The following MAD1L1 variants were observed in gnomAD, a reference collection of about 807,000 sequenced individuals.
MAD1L1 encodes mitotic spindle assembly checkpoint protein MAD1.
A neutral mutation model predicts 96.9 loss-of-function variants in MAD1L1; 95 were observed. The observed-to-expected ratio is 0.98, with a 90% CI of 0.83 to 1.16. The LOEUF (loss-of-function observed/expected upper bound fraction) is 1.16. Ranked by LOEUF, MAD1L1 falls within the 50% of genes most tolerant of loss-of-function variation. The probability of loss-of-function intolerance (pLI) is 0.00; values close to 1 mark genes in which losing one functional copy is unlikely to be tolerated. For synonymous variants in MAD1L1, 473 were observed against 396.6 expected (o/e 1.19, Z -2.29); for missense variants, 1,007 against 954.4 (o/e 1.06, Z -0.73).
intron 10 of MAD1L1, among the ~76,000 whole-genome samples, chr7:2,152,678 ACT>A (rs2128582157): frequency 6.6e-6 from 1 of 152,120 alleles, no homozygotes; most frequent in African/African-American, 2.4e-5. Flanking sequence ...TCCAGGCTCA[ACT>A]CCCTACCTGC....
In MAD1L1 at chr7:2,103,092, C is replaced by T. The variant is rs759349863; in HGVS notation, c.1074-33754G>A. ...CCACGCTGCCTGCCTGCTGGAGACGCGCGTCCTCTCCCACCTCAGGGCCCC... is the reference window on the plus strand; with the variant it reads ...CCACGCTGCCTGCCTGCTGGAGACGTGCGTCCTCTCCCACCTCAGGGCCCC... On this transcript the variant is annotated intron_variant, in intron 11 of 18. Coordinates refer to ENST00000265854, the MANE Select transcript of MAD1L1 (RefSeq NM_001013836.2). The surrounding 1 kb of genome is among the most constrained non-coding windows in gnomAD (Gnocchi z 4.3). 3.3e-5 allele frequency among the ~76,000 whole-genome samples: 5 copies of T among 152,136 alleles called. No homozygotes were observed. Among genetic ancestry groups the T allele is most frequent in the African/African-American group, 1.2e-4 (5 of 41,426 alleles).
chr7:2,159,939 G>T (rs1347878767), intron 10 of MAD1L1, among the ~76,000 whole-genome samples: 1 of 152,182 alleles, frequency 6.6e-6, no homozygotes, highest in Admixed American at 6.5e-5. Flanking sequence ...TTGCACAAAA[G>T]AAGTCTGGCC....
intron 18 of MAD1L1, among the ~76,000 whole-genome samples, chr7:1,875,389 T>C (rs372236854): frequency 1.3e-5 from 2 of 152,286 alleles, no homozygotes; most frequent in East Asian, 3.9e-4. Flanking sequence ...CGACCCCAGA[T>C]GCCACTAAGA....
At chr7:2,180,432 C>T (rs1791148788) in intron 10 of MAD1L1, among the ~76,000 whole-genome samples, 1 of 152,194 alleles carries the variant, frequency 6.6e-6, no homozygotes, top group South Asian at 2.1e-4. Context: ...TAGCCTAAAG[C>T]ATGCCGAACT....
chr7:1,909,903 C>T (rs971560906), intron 17 of MAD1L1, among the ~76,000 whole-genome samples: 2 of 152,188 alleles, frequency 1.3e-5, no homozygotes, highest in African/African-American at 4.8e-5. Flanking sequence ...TGGAATTACA[C>T]ACGGAGGAGC....
At chr7:2,085,862 C>T (rs977423084) in intron 11 of MAD1L1, among the ~76,000 whole-genome samples, 3 of 152,188 alleles carry the variant, frequency 2.0e-5, no homozygotes, top group Admixed American at 2.0e-4. Flanking sequence ...ATCCAGTGAC[C>T]GCCTAACCTC....
intron 3 of MAD1L1, among the ~76,000 whole-genome samples, chr7:2,226,183 C>A (rs1584600255): frequency 6.6e-6 from 1 of 152,208 alleles, no homozygotes; most frequent in Admixed American, 6.5e-5. Flanking sequence ...ATCAAGCCCA[C>A]CCACGTAATC....
At chr7:1,929,215 C>T (rs34419870) in intron 17 of MAD1L1, among the ~76,000 whole-genome samples, 48,703 of 151,858 alleles carry the variant, frequency 0.32, 8,024 homozygotes, top group Middle Eastern at 0.42. Context: ...GGTATCTCTT[C>T]TCCCTCTTCC....
At chr7:1,884,109 C>T (rs1032951038) in intron 18 of MAD1L1, among the ~76,000 whole-genome samples, 1 of 152,230 alleles carries the variant, frequency 6.6e-6, no homozygotes, top group Non-Finnish European at 1.5e-5. Flanking sequence ...AGCACTGGGA[C>T]CGCAAGCCAG....
intron 11 of MAD1L1, among the ~76,000 whole-genome samples, chr7:2,139,056 G>A (rs774934715): frequency 6.6e-6 from 1 of 152,098 alleles, no homozygotes; most frequent in African/African-American, 2.4e-5. Context: ...CTCAGCAGAC[G>A]CCCCGGTACC....
At chr7:1,970,557 C>A (rs1780360012) in intron 15 of MAD1L1, among the ~76,000 whole-genome samples, 1 of 152,252 alleles carries the variant, frequency 6.6e-6, no homozygotes, top group Non-Finnish European at 1.5e-5. Flanking sequence ...TGGTCTCAAT[C>A]TCCTGACCTC....
rs1036467489 is a variant in MAD1L1 at position 1,870,239 on chromosome 7, C to T, written c.1998+27961G>A. 1.7e-3 allele frequency among the ~76,000 whole-genome samples: 257 copies of T among 150,260 alleles called. 1 individual carries two copies. Among genetic ancestry groups the T allele is most frequent in the Middle Eastern group, 3.5e-3 (1 of 284 alleles). On this transcript the variant is annotated intron_variant, in intron 18 of 18. Coordinates refer to ENST00000265854, the MANE Select transcript of MAD1L1 (RefSeq NM_001013836.2). ...ACATATGCCTGCCACGCTGAACCGA[C>T]CATAACACCTGCCACGCTGAACCCA... is the stretch of plus-strand genomic sequence containing the variant.
chr7:2,189,425 C>T (rs1052989666), intron 10 of MAD1L1, among the ~76,000 whole-genome samples: 12 of 152,318 alleles, frequency 7.9e-5, no homozygotes, highest in African/African-American at 2.2e-4. Flanking sequence ...ATAAGAAGAA[C>T]GGATCGTCTA....
At chr7:1,950,781 TG>T (rs1339524735) in intron 16 of MAD1L1, among the ~76,000 whole-genome samples, 3 of 152,150 alleles carry the variant, frequency 2.0e-5, no homozygotes, top group African/African-American at 7.2e-5. Context: ...GCAGCACACG[TG>T]GGCAAGTGGG....
At chr7:2,179,011 T>C (rs894202687) in intron 10 of MAD1L1, among the ~76,000 whole-genome samples, 2 of 151,920 alleles carry the variant, frequency 1.3e-5, no homozygotes, top group African/African-American at 4.8e-5. Context: ...TCAGTAAAAA[T>C]GTCAGAGTAA....
intron 18 of MAD1L1, chr7:1,874,566 G>A (rs986800320): frequency 6.6e-6 from 3 of 454,176 alleles, no homozygotes; most frequent in Admixed American, 2.4e-5. Flanking sequence ...AAATAAAAGC[G>A]CTGTTGAGTG....
At chr7:1,951,719 C>A (rs1023917605) in intron 16 of MAD1L1, among the ~76,000 whole-genome samples, 1 of 152,088 alleles carries the variant, frequency 6.6e-6, no homozygotes, top group Admixed American at 6.5e-5. Flanking sequence ...CCGGTTTCAC[C>A]CAGCTCAGCG....
At chr7:2,123,233 A>G (rs1336313468) in intron 11 of MAD1L1, among the ~76,000 whole-genome samples, 7 of 150,872 alleles carry the variant, frequency 4.6e-5, no homozygotes, top group Non-Finnish European at 1.0e-4. Context: ...TGAACCCGGA[A>G]AGCGGAGCTT....
chr7:2,028,208 G>A (rs191160209), intron 12 of MAD1L1, among the ~76,000 whole-genome samples: 1,532 of 152,118 alleles, frequency 0.01, 25 homozygotes, highest in African/African-American at 0.035. Flanking sequence ...GGCGGATTAC[G>A]AGGTCAGGAG....
Sources: allele counts gnomAD v4.1 joint callset (sites outside exome capture counted in the v4.1 genomes callset), GRCh38; gene constraint gnomAD v4.1.1; non-coding constraint Gnocchi (gnomAD v3.1); transcripts MANE v1.5; gene names NCBI Gene and HGNC (gene_info 2026-07-23, HGNC 2026-07-21).